RASA2: variants seen among roughly 807,000 people sequenced by gnomAD.
RASA2 encodes ras GTPase-activating protein 2.
In RASA2, 155 loss-of-function variants were observed where a neutral mutation model predicts 118.2. The observed-to-expected ratio is 1.31, with a 90% confidence interval of 1.15 to 1.50. RASA2 has a LOEUF of 1.50. Ranked by LOEUF, RASA2 falls within the 40% of genes most tolerant of loss-of-function variation. RASA2 has a pLI of 0.00. For synonymous variants in RASA2, 353 were observed against 349.1 expected (o/e 1.01, Z -0.12); for missense variants, 1,016 against 1,009.6 (o/e 1.01, Z -0.09).
At chr3:141,570,865 C>T (rs1035345078) in intron 9 of RASA2, 47 bp from the exon 10 acceptor site, 1 of 1,542,232 alleles carries the variant, frequency 6.5e-7, no homozygotes, top group African/African-American at 1.4e-5. Context: ...GCCTCATTGG[C>T]TTGAATGCAT....
At chr3:141,496,422 G>A (rs1258252849) in intron 1 of RASA2, among the ~76,000 whole-genome samples, 1 of 152,154 alleles carries the variant, frequency 6.6e-6, no homozygotes, top group Non-Finnish European at 1.5e-5. Context: ...CTACTCATCT[G>A]ACAAAGGGCT....
At chr3:141,567,037 T>C (rs188021047) in intron 9 of RASA2, among the ~76,000 whole-genome samples, 301 of 152,308 alleles carry the variant, frequency 2.0e-3, no homozygotes, top group African/African-American at 6.7e-3. Flanking sequence ...TTTTAGGGAA[T>C]TACTTTACTA....
chr3:141,530,427 G>A (rs887455237), intron 4 of RASA2, among the ~76,000 whole-genome samples: 1 of 152,030 alleles, frequency 6.6e-6, no homozygotes, highest in Non-Finnish European at 1.5e-5. Flanking sequence ...GAAAATCTGA[G>A]TTGCTCTTAG....
chr3:141,602,729 A>G (rs1465432129), intron 19 of RASA2, among the ~76,000 whole-genome samples: 6 of 152,200 alleles, frequency 3.9e-5, no homozygotes, highest in African/African-American at 1.4e-4. Context: ...AGTGGTCAAC[A>G]AATGAATTGA....
chr3:141,582,451 CT>C lies in RASA2; in HGVS notation c.1752+1278del, dbSNP rs369554925. On this transcript the variant is annotated intron_variant, in intron 17 of 23. Transcript: ENST00000286364. ...TATTGGCAGGATTATGATGTACTGT[CT>C]TTTGTTTGAGGGTTGTTTTTCCATG... Among the ~76,000 whole-genome samples the C allele has an allele frequency of 3.7e-3, 562 of 152,244 alleles. 1 individual carries two copies. The highest frequency in any genetic ancestry group is 7.9e-3 in the African/African-American group (329 of 41,550).
chr3:141,593,464 G>A (rs189663973), intron 19 of RASA2, among the ~76,000 whole-genome samples: 1 of 152,236 alleles, frequency 6.6e-6, no homozygotes, highest in African/African-American at 2.4e-5. Flanking sequence ...ACCAAAGGAT[G>A]GAGTTTAGGG....
At chr3:141,609,784 C>T (rs2083607929) in intron 22 of RASA2, 93 bp from the exon 23 acceptor site, 1 of 1,206,488 alleles carries the variant, frequency 8.3e-7, no homozygotes, top group African/African-American at 1.5e-5. Context: ...ATCCCCTCAG[C>T]ATAAGACACT....
At chr3:141,591,510 G>A (rs941405721) in intron 19 of RASA2, among the ~76,000 whole-genome samples, 6 of 152,036 alleles carry the variant, frequency 3.9e-5, no homozygotes, top group Non-Finnish European at 7.4e-5. Context: ...TATTACTAGT[G>A]GCATAAAGGC....
At chr3:141,565,232 G>A (rs565964713) in intron 9 of RASA2, among the ~76,000 whole-genome samples, 11 of 152,244 alleles carry the variant, frequency 7.2e-5, no homozygotes, top group Non-Finnish European at 1.2e-4. Context: ...TGATCCACCC[G>A]CCTTGGCCTC....
chr3:141,560,037 C>G, intron 9 of RASA2, 42 bp downstream of exon 9: 4 of 1,482,610 alleles, frequency 2.7e-6, no homozygotes, highest in African/African-American at 1.4e-5. Context: ...GTTTAATTCT[C>G]TTTAGTACAG....
Position 141,584,627 on chromosome 3 carries a change from T to C in RASA2, c.1753-1398T>C, listed in dbSNP as rs961475888. 2.0e-5 allele frequency among the ~76,000 whole-genome samples: 3 copies of C among 152,220 alleles called. No individual in the cohort carries two copies. The East Asian group carries it at 5.8e-4, about 29-fold the overall frequency. ...CAGAGCTAAAGTCAGTTATATATGA[T>C]AGAAGTTGGCAAACTCTTTTCTGTA... On this transcript the variant is annotated intron_variant, in intron 17 of 23. Coordinates refer to ENST00000286364, the MANE Select transcript of RASA2 (RefSeq NM_006506.5).
intron 17 of RASA2, among the ~76,000 whole-genome samples, chr3:141,582,173 G>C (rs2107771597): frequency 6.6e-6 from 1 of 152,260 alleles, no homozygotes; most frequent in East Asian, 1.9e-4. Flanking sequence ...TTATTTTGTT[G>C]AGATACATGT....
At chr3:141,555,434 T>C (rs1170012176) in intron 6 of RASA2, among the ~76,000 whole-genome samples, 1 of 152,170 alleles carries the variant, frequency 6.6e-6, no homozygotes, top group Non-Finnish European at 1.5e-5. Context: ...GTCTCTATTA[T>C]ACCTGAAGCC....
chr3:141,521,472 T>C (rs1051770221), intron 3 of RASA2, among the ~76,000 whole-genome samples: 2 of 152,216 alleles, frequency 1.3e-5, no homozygotes, highest in African/African-American at 4.8e-5. Flanking sequence ...GAAAAATGTT[T>C]AGTAATTTTC....
At chr3:141,585,083 A>G (rs941604080) in intron 17 of RASA2, among the ~76,000 whole-genome samples, 29 of 152,206 alleles carry the variant, frequency 1.9e-4, no homozygotes, top group African/African-American at 6.8e-4. Flanking sequence ...CTACAGGTCA[A>G]ACGTGGCCCT....
At chr3:141,555,062 G>A (rs1398776331) in intron 6 of RASA2, among the ~76,000 whole-genome samples, 7 of 152,138 alleles carry the variant, frequency 4.6e-5, no homozygotes, top group South Asian at 2.1e-4. Flanking sequence ...AGGAGTTCGA[G>A]ATCAGCCTGA....
rs193024218 is a variant in RASA2 at position 141,599,066 on chromosome 3, C to T, written c.1934-8612C>T. 3.3e-5 allele frequency among the ~76,000 whole-genome samples: 5 copies of T among 151,898 alleles called. 1 individual carries two copies. The highest frequency in any genetic ancestry group is 4.2e-4 in the South Asian group (2 of 4,808). On this transcript the variant is annotated intron_variant, in intron 19 of 23. Coordinates refer to ENST00000286364, the MANE Select transcript of RASA2 (RefSeq NM_006506.5). The stretch of plus-strand genomic sequence containing the variant: ...TCGCGCCACTGCACTCCAGCCCCGG[C>T]GACAGAGCGAGACTCTGTCTCAATA...
At chr3:141,558,604 A>G (rs986726733) in intron 7 of RASA2, among the ~76,000 whole-genome samples, 3 of 152,150 alleles carry the variant, frequency 2.0e-5, no homozygotes, top group Non-Finnish European at 4.4e-5. Context: ...AGATTTGTCT[A>G]AGAAAGGAAA....
chr3:141,559,766 G>A (rs555337916), intron 8 of RASA2, 128 bp from the exon 9 acceptor site: 10 of 715,966 alleles, frequency 1.4e-5, no homozygotes, highest in African/African-American at 1.1e-4. Flanking sequence ...TGTATATGGT[G>A]TTGCTAACAT....
Sources: gnomAD v4.1 joint callset for allele counts (sites outside exome capture counted in the v4.1 genomes callset) on GRCh38, gnomAD v4.1.1 for gene constraint, MANE v1.5 for transcripts, NCBI Gene and HGNC (gene_info 2026-07-23, HGNC 2026-07-21) for gene names.